Variants in NPL observed in about 807,000 individuals in gnomAD.
NPL encodes N-acetylneuraminate pyruvate lyase.
Under a neutral mutation model 41.1 loss-of-function variants are expected in NPL, and 32 were observed. That is an observed-to-expected ratio of 0.78 (90% confidence interval 0.59 to 1.05). The LOEUF (loss-of-function observed/expected upper bound fraction) is 1.05, where lower values mean the gene tolerates loss of function less well. Ranked by LOEUF, NPL falls within the 50% of genes least tolerant of loss-of-function variation. The pLI is 0.00. For missense variants in NPL, 321 were observed against 378.4 expected (o/e 0.85, Z 1.26); for synonymous variants, 128 against 134.9 (o/e 0.95, Z 0.35).
intron 7 of NPL, among the ~76,000 whole-genome samples, chr1:182,816,222 T>A (rs981268234): frequency 4.2e-4 from 64 of 152,210 alleles, no homozygotes; most frequent in African/African-American, 1.5e-3. Context: ...AAGGGAAAAG[T>A]ACCAAATTTT....
In NPL at chr1:182,803,737, T is replaced by C. The variant is rs753456844; in HGVS notation, c.108T>C (p.Tyr36=). Residue 36 remains tyrosine (Y), a synonymous_variant, in exon 4 of 13, where the codon TAT becomes TAC. Coordinates refer to ENST00000367553, the MANE Select transcript of NPL (RefSeq NM_030769.3). ...CAGTAATTGGTCAGTATGTGGATTA[T>C]CTTGTGAAAGAACAGGGAGTGAAGA... ...NFSVIGQYVD[Y]LVKEQGVKNI... is the part of the protein sequence containing the mutation. 3.7e-6 allele frequency: 6 copies of C among 1,613,418 alleles called. No individual in the cohort carries two copies. The Admixed American group carries it at 5.0e-5, about 13-fold the overall frequency.
At chr1:182,792,522 C>T (rs1226132016) in intron 2 of NPL, among the ~76,000 whole-genome samples, 2 of 152,054 alleles carry the variant, frequency 1.3e-5, no homozygotes, top group African/African-American at 4.8e-5. Context: ...GGCTCAGAGG[C>T]TAAGTGGCCT....
At chr1:182,814,677 C>T in intron 6 of NPL, 106 bp from the exon 7 acceptor site, 1 of 927,278 alleles carries the variant, frequency 1.1e-6, no homozygotes, top group South Asian at 1.4e-5. Flanking sequence ...TCCAGTGGTA[C>T]ATCAGTTAGC....
intron 4 of NPL, among the ~76,000 whole-genome samples, chr1:182,804,941 A>C (rs573646253): frequency 6.6e-6 from 1 of 152,210 alleles, no homozygotes; most frequent in Admixed American, 6.5e-5. Context: ...GAATATCCCT[A>C]TGACCAGAGT....
intron 4 of NPL, among the ~76,000 whole-genome samples, chr1:182,805,254 AC>A (rs200657844): frequency 0.022 from 3,406 of 152,150 alleles, 129 homozygotes; most frequent in African/African-American, 0.078. Context: ...ACATGGCAAA[AC>A]CCCATCTCTA....
In NPL at chr1:182,802,238, G is replaced by A. The variant is rs529968230; in HGVS notation, c.69-1460G>A. ...GGCATGTGCCATAATGAGGGAGTTC[G>A]CTCCCCTTATAGGCTTTATAATTGC... On this transcript the variant is annotated intron_variant, in intron 3 of 12. Coordinates refer to ENST00000367553, the MANE Select transcript of NPL (RefSeq NM_030769.3). Among the ~76,000 whole-genome samples, 193 of 152,298 alleles carry A rather than the reference G, an allele frequency of 1.3e-3. 1 individual carries two copies. Among genetic ancestry groups the A allele is most frequent in the African/African-American group, 4.2e-3 (176 of 41,568 alleles).
chr1:182,808,060 C>A (rs964405116), intron 5 of NPL, among the ~76,000 whole-genome samples: 2 of 152,112 alleles, frequency 1.3e-5, no homozygotes, highest in Admixed American at 1.3e-4. Context: ...TAGAGCCCGA[C>A]TGCCTGAGTT....
intron 11 of NPL, 34 bp downstream of exon 11, chr1:182,822,233 C>G (rs765435003): frequency 1.4e-6 from 2 of 1,407,540 alleles, no homozygotes; most frequent in South Asian, 1.2e-5. Context: ...TAAATCACAG[C>G]CTTTTTTCTT....
intron 10 of NPL, among the ~76,000 whole-genome samples, chr1:182,819,140 T>C (rs1404869915): frequency 6.6e-6 from 1 of 151,610 alleles, no homozygotes; most frequent in Non-Finnish European, 1.5e-5. Flanking sequence ...GCCAACATGG[T>C]GAAACCCCAT....
chr1:182,802,304 A>G (rs182309560), intron 3 of NPL, among the ~76,000 whole-genome samples: 17 of 152,342 alleles, frequency 1.1e-4, no homozygotes, highest in Admixed American at 1.0e-3. Context: ...CAGGCCTGCT[A>G]TCTTTTCTCT....
chr1:182,793,578 G>A (rs1666575380), intron 2 of NPL, among the ~76,000 whole-genome samples: 1 of 152,180 alleles, frequency 6.6e-6, no homozygotes, highest in African/African-American at 2.4e-5. Flanking sequence ...CTGCTGTAGT[G>A]GGGAAGAGGG....
chr1:182,821,113 A>G (rs953667601), intron 10 of NPL, among the ~76,000 whole-genome samples: 1 of 152,152 alleles, frequency 6.6e-6, no homozygotes, highest in Non-Finnish European at 1.5e-5. Flanking sequence ...TCCTTGCTCT[A>G]TTGCCACAAG....
intron 3 of NPL, among the ~76,000 whole-genome samples, chr1:182,799,257 G>A (rs988345892): frequency 3.3e-5 from 5 of 152,174 alleles, no homozygotes; most frequent in Admixed American, 1.3e-4. Flanking sequence ...CGCTTATGTA[G>A]TTTGGGCAAA....
At chr1:182,815,385 C>A (rs564539128) in intron 7 of NPL, among the ~76,000 whole-genome samples, 4 of 152,058 alleles carry the variant, frequency 2.6e-5, no homozygotes, top group African/African-American at 9.6e-5. Context: ...CTTTTTAATC[C>A]TTTTTGATTA....
chr1:182,812,270 G>A (rs551653057), intron 6 of NPL, 57 bp downstream of exon 6: 34 of 1,472,122 alleles, frequency 2.3e-5, no homozygotes, highest in South Asian at 1.4e-4. Context: ...TTTTTATGCC[G>A]CAGTTAAAAT....
rs1667713306 is a variant in NPL at position 182,829,481 on chromosome 1, A to C, written c.*573A>C. 1 of 1,468,268 alleles carries C rather than the reference A, an allele frequency of 6.8e-7. No homozygotes were observed. Among genetic ancestry groups the C allele is most frequent in the African/African-American group, 1.4e-5 (1 of 70,068 alleles). The allele number at this position is 1,468,268 out of a possible 1,614,324, so 91.0% of individuals were successfully genotyped here. A position where few individuals can be genotyped will look rare whatever the true frequency, so the allele number is the denominator to read the frequency against. ...GATGTCACCACTTTTCGCTCTTTAA[A>C]AACACTGGGTCAGGTGAGGACTTGT... is the stretch of plus-strand genomic sequence containing the variant. On this transcript the variant is annotated 3_prime_UTR_variant, in exon 13 of 13. Coordinates refer to ENST00000367553, the MANE Select transcript of NPL (RefSeq NM_030769.3).
At chr1:182,799,583 T>G (rs988093685) in intron 3 of NPL, among the ~76,000 whole-genome samples, 1 of 151,406 alleles carries the variant, frequency 6.6e-6, no homozygotes, top group African/African-American at 2.4e-5. Context: ...ACTATATAGC[T>G]CCTGTAATTA....
intron 3 of NPL, among the ~76,000 whole-genome samples, chr1:182,796,933 G>T (rs558914961): frequency 6.6e-6 from 1 of 151,708 alleles, no homozygotes; most frequent in Admixed American, 6.6e-5. Context: ...TACTTAAGAG[G>T]CTGAGGCAGG....
At chr1:182,814,048 T>C (rs1217019123) in intron 6 of NPL, among the ~76,000 whole-genome samples, 6 of 152,250 alleles carry the variant, frequency 3.9e-5, no homozygotes, top group Admixed American at 1.3e-4. Context: ...TTTCCCTTTT[T>C]AGATAGTGGG....
Sources: gnomAD v4.1 joint callset for allele counts (sites outside exome capture counted in the v4.1 genomes callset) on GRCh38, gnomAD v4.1.1 for gene constraint, MANE v1.5 for transcripts, NCBI Gene and HGNC (gene_info 2026-07-23, HGNC 2026-07-21) for gene names.